Variants in MYRIP observed in about 807,000 individuals in gnomAD.
MYRIP encodes the protein myosin VIIA and Rab interacting protein.
In MYRIP, 49 loss-of-function variants were observed where a neutral mutation model predicts 98.0. That is an observed-to-expected ratio of 0.50 (90% CI 0.40 to 0.63). MYRIP has a LOEUF of 0.63. MYRIP is among the 30% of genes least tolerant of loss of function. The pLI is 0.00. For synonymous variants in MYRIP, 404 were observed against 409.5 expected (o/e 0.99, Z 0.16); for missense variants, 1,004 against 1,058.2 (o/e 0.95, Z 0.71).
intron 1 of MYRIP, among the ~76,000 whole-genome samples, chr3:39,886,627 A>C (rs1943310790): frequency 6.6e-6 from 1 of 152,040 alleles, no homozygotes; most frequent in Non-Finnish European, 1.5e-5. Context: ...TCAATTCAAC[A>C]AGAAGAGCTA....
chr3:40,252,981 T>G (rs1378501264), intron 16 of MYRIP, among the ~76,000 whole-genome samples: 4 of 152,196 alleles, frequency 2.6e-5, no homozygotes, highest in African/African-American at 9.6e-5. Flanking sequence ...TCTACTGAAC[T>G]CCTAACATCA....
At chr3:40,044,690 C>T (rs965390483) in intron 3 of MYRIP, among the ~76,000 whole-genome samples, 10 of 152,102 alleles carry the variant, frequency 6.6e-5, no homozygotes, top group African/African-American at 2.4e-4. Flanking sequence ...TGGTGTGATA[C>T]GTAAGTGCTG....
intron 1 of MYRIP, among the ~76,000 whole-genome samples, chr3:39,847,395 G>C (rs77447139): frequency 1.0e-5 from 1 of 99,832 alleles, no homozygotes; most frequent in Admixed American, 9.2e-5. Flanking sequence ...AGAAAACAAA[G>C]GTATTTGTTT....
chr3:40,103,577 G>T (rs1213911698), intron 3 of MYRIP, among the ~76,000 whole-genome samples: 1 of 152,188 alleles, frequency 6.6e-6, no homozygotes, highest in Admixed American at 6.5e-5. Context: ...TGACCAACAT[G>T]GACAAACCCT....
chr3:40,101,203 C>T (rs56052891), intron 3 of MYRIP, among the ~76,000 whole-genome samples: 4,224 of 152,288 alleles, frequency 0.028, 78 homozygotes, highest in South Asian at 0.048. Context: ...CCTCCATTCT[C>T]CCAGTATATC....
At chr3:40,159,069 G>A (rs1215501989) in intron 4 of MYRIP, among the ~76,000 whole-genome samples, 2 of 151,916 alleles carry the variant, frequency 1.3e-5, no homozygotes, top group African/African-American at 4.8e-5. Flanking sequence ...CTCGTTAGTT[G>A]ATGCAGTTTC....
chr3:40,028,756 T>C (rs1290192735), intron 2 of MYRIP, among the ~76,000 whole-genome samples: 1 of 152,172 alleles, frequency 6.6e-6, no homozygotes, highest in Non-Finnish European at 1.5e-5. Context: ...TGCATCATTC[T>C]TGGTTGATCT....
intron 1 of MYRIP, among the ~76,000 whole-genome samples, chr3:39,894,646 G>A (rs1323441867): frequency 1.3e-5 from 2 of 151,908 alleles, no homozygotes; most frequent in Admixed American, 6.6e-5. Flanking sequence ...TGTCATAAAC[G>A]CCTTTCTTTT....
At chr3:40,226,253 C>T (rs945733644) in intron 11 of MYRIP, among the ~76,000 whole-genome samples, 7 of 152,138 alleles carry the variant, frequency 4.6e-5, no homozygotes, top group Admixed American at 3.9e-4. Context: ...TTTCAATAAC[C>T]TAGTGAACCC....
In MYRIP at chr3:40,035,969, C is replaced by T. The variant is rs73827311; in HGVS notation, c.111-8081C>T. ...ACTGAAGTACTTACCCAGAATGTAT[C>T]TCAGAAATACAAAGAGATGAAACAA... On this transcript the variant is annotated intron_variant, in intron 2 of 16. Coordinates refer to ENST00000302541, the MANE Select transcript of MYRIP (RefSeq NM_015460.4). Among the ~76,000 whole-genome samples, 359 of 151,836 alleles carry T rather than the reference C, an allele frequency of 2.4e-3. 5 individuals are homozygous for T. Among genetic ancestry groups the T allele is most frequent in the African/African-American group, 8.3e-3 (343 of 41,482 alleles).
chr3:40,251,426 C>T (rs1201292776), intron 15 of MYRIP, among the ~76,000 whole-genome samples: 4 of 152,176 alleles, frequency 2.6e-5, no homozygotes, highest in Non-Finnish European at 1.5e-5. Context: ...CCCCCCATGG[C>T]ATCTAGGCAG....
intron 3 of MYRIP, among the ~76,000 whole-genome samples, chr3:40,068,146 A>G (rs17075188): frequency 0.25 from 38,608 of 152,110 alleles, 4,989 homozygotes; most frequent in East Asian, 0.42. Context: ...TTATTTTCCT[A>G]AGAAAAACTC....
rs116566467 is a variant in MYRIP at position 40,070,636 on chromosome 3, A to G, written c.332+26365A>G. The stretch of plus-strand genomic sequence containing the variant: ...TCATAGGAGCACAAACCCTATTGTG[A>G]ATTGTGTGTGCGAGGGATCTAGGGT... On this transcript the variant is annotated intron_variant, in intron 3 of 16. Transcript: ENST00000302541. Among the ~76,000 whole-genome samples the G allele has an allele frequency of 6.1e-3, 926 of 152,194 alleles. 10 individuals carry two copies. The highest frequency in any genetic ancestry group is 0.021 in the African/African-American group (857 of 41,528).
Position 40,228,895 on chromosome 3 carries a change from G to T in MYRIP, c.1906-4964G>T, listed in dbSNP as rs141971329. Among the ~76,000 whole-genome samples the T allele has an allele frequency of 1.6e-3, 249 of 152,262 alleles. 2 individuals are homozygous for T. The highest frequency in any genetic ancestry group is 3.0e-3 in the Non-Finnish European group (201 of 68,024). On this transcript the variant is annotated intron_variant, in intron 11 of 16. Transcript: ENST00000302541. ...ATCCCCGCTCTTTAATTCCAAAGTG[G>T]TCTCTCTCCACGAAGCCAGACATCC... is the stretch of plus-strand genomic sequence containing the variant.
At chr3:39,823,539 A>G (rs1225643683) in intron 1 of MYRIP, among the ~76,000 whole-genome samples, 1 of 152,160 alleles carries the variant, frequency 6.6e-6, no homozygotes, top group Admixed American at 6.5e-5. Context: ...TTTTGATAAT[A>G]GCCATCCTAA....
rs376014192 is a variant in MYRIP, at chr3:40,201,277, T to G, written c.1666-8577T>G. On this transcript the variant is annotated intron_variant, in intron 10 of 16. Transcript: ENST00000302541. ...TTCTGGGGAATAAGTGGTTGCCCTT[T>G]CAACAAATAGCATAGTCTAATTCCA... 3.3e-5 allele frequency among the ~76,000 whole-genome samples: 5 copies of G among 152,184 alleles called. No homozygotes were observed. In the East Asian group the frequency reaches 9.6e-4, roughly 29 times the overall value.
intron 5 of MYRIP, among the ~76,000 whole-genome samples, chr3:40,164,182 G>A (rs187165573): frequency 5.9e-4 from 90 of 152,192 alleles, no homozygotes; most frequent in Admixed American, 1.6e-3. Context: ...GTACCTGTCA[G>A]CTCTGTTTTC....
At chr3:39,937,076 A>G (rs1944670160) in intron 2 of MYRIP, among the ~76,000 whole-genome samples, 1 of 152,054 alleles carries the variant, frequency 6.6e-6, no homozygotes, top group Non-Finnish European at 1.5e-5. Flanking sequence ...CCACCCCCAT[A>G]CACTTGGTCA....
At chr3:39,988,878 C>A (rs1946103010) in intron 2 of MYRIP, among the ~76,000 whole-genome samples, 1 of 151,776 alleles carries the variant, frequency 6.6e-6, no homozygotes, top group African/African-American at 2.4e-5. Context: ...ATTTATGTTC[C>A]TGTCTAAACT....
Sources: gnomAD v4.1 joint callset for allele counts (sites outside exome capture counted in the v4.1 genomes callset) on GRCh38, gnomAD v4.1.1 for gene constraint, MANE v1.5 for transcripts, NCBI Gene and HGNC (gene_info 2026-07-23, HGNC 2026-07-21) for gene names.